METTL15: variants seen among roughly 807,000 people sequenced by gnomAD.
METTL15 encodes 12S rRNA N(4)-cytidine methyltransferase METTL15.
A neutral mutation model predicts 38.3 loss-of-function variants in METTL15; 34 were observed. That is an observed-to-expected ratio of 0.89 (90% confidence interval 0.68 to 1.18). The LOEUF (loss-of-function observed/expected upper bound fraction) is 1.18, where lower values mean the gene tolerates loss of function less well. Ranked by LOEUF, METTL15 falls within the 50% of genes most tolerant of loss-of-function variation. The pLI, the probability that METTL15 is intolerant of heterozygous loss-of-function variation, is 0.00. For missense variants in METTL15, 438 were observed against 498.4 expected, an observed-to-expected ratio of 0.88 and a Z score of 1.15; for synonymous variants, 162 against 170.9, an observed-to-expected ratio of 0.95 and a Z score of 0.41.
chr11:28,340,332 C>T (rs1322807521), intron 3 of METTL15, among the ~76,000 whole-genome samples: 1 of 151,908 alleles, frequency 6.6e-6, no homozygotes, highest in African/African-American at 2.4e-5. Flanking sequence ...TCCGATGTGC[C>T]CTCTCTATAA....
intron 3 of METTL15, among the ~76,000 whole-genome samples, chr11:28,200,366 ATG>A (rs1456366183): frequency 6.6e-6 from 1 of 152,176 alleles, no homozygotes. Context: ...GAAAGTGTGT[ATG>A]TGTGTGTTTT....
chr11:28,355,604 A>AT (rs1455931134), intron 4 of METTL15, among the ~76,000 whole-genome samples: 1 of 152,256 alleles, frequency 6.6e-6, no homozygotes, highest in Non-Finnish European at 1.5e-5. Flanking sequence ...ACAATACAGT[A>AT]TAACAAGTAT....
chr11:28,326,408 A>G (rs960185866), intron 6 of METTL15, among the ~76,000 whole-genome samples: 1 of 151,832 alleles, frequency 6.6e-6, no homozygotes, highest in Non-Finnish European at 1.5e-5. Context: ...GGAGAAAACC[A>G]TTTTTCCTTC....
intron 3 of METTL15, among the ~76,000 whole-genome samples, chr11:28,143,831 T>G (rs1056104316): frequency 3.0e-4 from 45 of 152,182 alleles, no homozygotes; most frequent in Non-Finnish European, 5.6e-4. Flanking sequence ...ATTTAATGAC[T>G]CGGTTTAGGA....
intron 3 of METTL15, among the ~76,000 whole-genome samples, chr11:28,132,743 T>A (rs890804915): frequency 6.6e-6 from 1 of 152,144 alleles, no homozygotes; most frequent in Non-Finnish European, 1.5e-5. Flanking sequence ...TATGATACAG[T>A]TGCTTGTGTT....
At chr11:28,404,764 T>A (rs1590363146) in intron 5 of METTL15, among the ~76,000 whole-genome samples, 1 of 152,070 alleles carries the variant, frequency 6.6e-6, no homozygotes, top group South Asian at 2.1e-4. Context: ...AAAATGTAGA[T>A]GAGCAAGGCC....
At chr11:28,409,064 C>A (rs1850701086) in intron 5 of METTL15, among the ~76,000 whole-genome samples, 1 of 151,990 alleles carries the variant, frequency 6.6e-6, no homozygotes, top group South Asian at 2.1e-4. Flanking sequence ...ATGTTTTAGG[C>A]CACAAAACAA....
intron 6 of METTL15, among the ~76,000 whole-genome samples, chr11:28,514,502 A>G (rs953833723): frequency 6.6e-6 from 1 of 152,218 alleles, no homozygotes; most frequent in Non-Finnish European, 1.5e-5. Flanking sequence ...TCACACAAAT[A>G]AGATAATTCC....
rs570919475 is a variant in METTL15, at chr11:28,482,188, G to C, written c.*425-44290G>C. On this transcript the variant is annotated intron_variant and NMD_transcript_variant, in intron 6 of 7. Coordinates refer to the METTL15 transcript ENST00000532947. ...TTCACTTCTCTAATGGCTGGAGGCT[G>C]TAGCTACTACTTGTAATCAGGAGCC... 2.0e-3 allele frequency among the ~76,000 whole-genome samples: 305 copies of C among 152,346 alleles called. 1 individual carries two copies. The highest frequency in any genetic ancestry group is 3.5e-3 in the Non-Finnish European group (236 of 68,034).
At chr11:28,378,107 T>C (rs539143038) in intron 5 of METTL15, among the ~76,000 whole-genome samples, 15 of 152,154 alleles carry the variant, frequency 9.9e-5, no homozygotes, top group African/African-American at 3.4e-4. Flanking sequence ...TGCTGTCTTT[T>C]TGTTTGTCTG....
chr11:28,229,985 A>G (rs904211716), intron 4 of METTL15, among the ~76,000 whole-genome samples: 8 of 151,898 alleles, frequency 5.3e-5, no homozygotes, highest in East Asian at 1.9e-4. Flanking sequence ...CTCTCCTTCT[A>G]TATTCATATG....
chr11:28,313,058 T>C lies in METTL15; in HGVS notation c.778+16127T>C, dbSNP rs192934587. Among the ~76,000 whole-genome samples, 54 of 152,064 alleles carry C rather than the reference T, an allele frequency of 3.6e-4. No individual in the cohort carries two copies. In the East Asian group the frequency reaches 9.7e-3, roughly 27 times the overall value. Reference sequence around the variant, plus strand: ...TGTTTTCTATTGTATCACTGAGTAATAGAAAAATAAGTTAGTTTTGGAGTT... The same window carrying C: ...TGTTTTCTATTGTATCACTGAGTAACAGAAAAATAAGTTAGTTTTGGAGTT... On this transcript the variant is annotated intron_variant, in intron 6 of 6. Transcript: ENST00000407364.
Position 28,279,691 on chromosome 11 carries a change from G to A in METTL15, c.408-10515G>A, listed in dbSNP as rs927465075. ...CGAGGCAGGTGGATCACAAGGTCAG[G>A]AGTTCAAGACCAGCCTGGCCAACAT... On this transcript the variant is annotated intron_variant, in intron 4 of 6. Coordinates refer to ENST00000407364, the MANE Select transcript of METTL15 (RefSeq NM_001113528.2). Among the ~76,000 whole-genome samples the A allele has an allele frequency of 2.0e-5, 3 of 152,122 alleles. No homozygotes were observed. In the East Asian group the frequency reaches 5.8e-4, roughly 29 times the overall value.
intron 3 of METTL15, among the ~76,000 whole-genome samples, chr11:28,126,317 A>G (rs563546008): frequency 6.6e-6 from 1 of 152,078 alleles, no homozygotes; most frequent in Admixed American, 6.6e-5. Context: ...GATATGCTGT[A>G]TATACCATTC....
intron 6 of METTL15, among the ~76,000 whole-genome samples, chr11:28,327,133 A>T (rs1412262416): frequency 6.6e-6 from 1 of 152,156 alleles, no homozygotes; most frequent in African/African-American, 2.4e-5. Context: ...AAAAAGCTCC[A>T]CAAAACACAT....
intron 6 of METTL15, among the ~76,000 whole-genome samples, chr11:28,325,594 T>C (rs1428787112): frequency 6.6e-6 from 1 of 152,220 alleles, no homozygotes; most frequent in Admixed American, 6.5e-5. Flanking sequence ...CAAACATTTA[T>C]TGAGTGTTTT....
chr11:28,259,414 T>C (rs1855107702), intron 4 of METTL15, among the ~76,000 whole-genome samples: 1 of 152,036 alleles, frequency 6.6e-6, no homozygotes, highest in Admixed American at 6.6e-5. Flanking sequence ...ACCCGCCAAG[T>C]CCAGTGATTC....
chr11:28,332,438 A>G lies in METTL15; in HGVS notation c.*1597A>G, dbSNP rs544818993. 2 of 152,176 alleles carry G rather than the reference A, an allele frequency of 1.3e-5. No individual in the cohort carries two copies. The highest frequency in any genetic ancestry group is 2.1e-4 in the South Asian group (1 of 4,826). The allele number at this position is 152,176 out of a possible 1,614,324, so 9.4% of individuals were successfully genotyped here. ...TATTCAACAATCTTTCACCTATTTCATAAGTCATTTTTTCACCCTGTATAG... is the reference window on the plus strand; with the variant it reads ...TATTCAACAATCTTTCACCTATTTCGTAAGTCATTTTTTCACCCTGTATAG... On this transcript the variant is annotated 3_prime_UTR_variant, in exon 7 of 7. Coordinates refer to ENST00000407364, the MANE Select transcript of METTL15 (RefSeq NM_001113528.2).
intron 5 of METTL15, among the ~76,000 whole-genome samples, chr11:28,364,040 G>T (rs971533037): frequency 6.6e-6 from 1 of 152,006 alleles, no homozygotes; most frequent in African/African-American, 2.4e-5. Flanking sequence ...GCTGGTCTGC[G>T]TGCCTGTTTT....
Sources: allele counts gnomAD v4.1 joint callset (sites outside exome capture counted in the v4.1 genomes callset), GRCh38; gene constraint gnomAD v4.1.1; transcripts MANE v1.5; gene names NCBI Gene and HGNC (gene_info 2026-07-23, HGNC 2026-07-21).